LRRTM3: variants seen among roughly 807,000 people sequenced by gnomAD.
The protein encoded by LRRTM3 is leucine rich repeat transmembrane neuronal 3.
LRRTM3 carries 24 observed loss-of-function variants against 44.7 expected under a neutral mutation model. The ratio of observed to expected loss-of-function variants is 0.54; its 90% confidence interval spans 0.39 to 0.76. The LOEUF is 0.76. Ranked by LOEUF, LRRTM3 falls within the 30% of genes least tolerant of loss-of-function variation. The probability of loss-of-function intolerance (pLI) is 0.00; values close to 1 mark genes in which losing one functional copy is unlikely to be tolerated. For missense variants in LRRTM3, 587 were observed against 702.2 expected (o/e 0.84, Z 1.85); for synonymous variants, 277 against 278.7 (o/e 0.99, Z 0.06).
intron 2 of LRRTM3, among the ~76,000 whole-genome samples, chr10:67,003,066 A>G (rs868552577): frequency 6.6e-6 from 1 of 152,164 alleles, no homozygotes; most frequent in South Asian, 2.1e-4. Flanking sequence ...ACTAACAAAC[A>G]TATGCAGTCT....
chr10:66,941,436 A>T (rs1375762345), intron 2 of LRRTM3, among the ~76,000 whole-genome samples: 1 of 152,212 alleles, frequency 6.6e-6, no homozygotes, highest in Non-Finnish European at 1.5e-5. Flanking sequence ...TCTCAAGGTA[A>T]TTTTAAGTAA....
chr10:67,074,288 C>A (rs184347258), intron 2 of LRRTM3, among the ~76,000 whole-genome samples: 5 of 151,144 alleles, frequency 3.3e-5, no homozygotes, highest in East Asian at 1.9e-4. Flanking sequence ...CCTTGGCCCC[C>A]CAAAGTGCTG....
chr10:67,066,973 A>G (rs1190899209), intron 2 of LRRTM3, among the ~76,000 whole-genome samples: 1 of 152,170 alleles, frequency 6.6e-6, no homozygotes, highest in Non-Finnish European at 1.5e-5. Flanking sequence ...CTGTCTCTTA[A>G]TTTAACAGAG....
At position 67,069,696 on chromosome 10, in the gene LRRTM3, ATGT is replaced by A. The variant is rs1355146756; in HGVS notation, c.1537-27887_1537-27885del. The stretch of plus-strand genomic sequence containing the variant: ...TCAGTATATACTCTGTTGTGTCTGA[ATGT>A]TGTGTCTCACTCAACATTATGTTTA... On this transcript the variant is annotated intron_variant, in intron 2 of 2. Coordinates refer to ENST00000361320, the MANE Select transcript of LRRTM3 (RefSeq NM_178011.5). Among the ~76,000 whole-genome samples the A allele has an allele frequency of 5.3e-4, 81 of 151,968 alleles. 1 individual carries two copies. Among genetic ancestry groups the A allele is most frequent in the Non-Finnish European group, 1.8e-4 (12 of 67,974 alleles).
rs1025579801 is a variant in LRRTM3, at chr10:66,928,434, G to A, written c.1518G>A (p.Ser506=). ...NGTGPCTYNK[S]GSRECEIPLS... ...CGGGACCCTGCACCTATAACAAATC[G>A]GGCTCCAGGGAGTGTGAGGTATGAA... Residue 506 remains serine (S), a synonymous_variant, in exon 2 of 3, where the codon TCG becomes TCA. Coordinates refer to ENST00000361320, the MANE Select transcript of LRRTM3 (RefSeq NM_178011.5). 3.7e-6 allele frequency: 6 copies of A among 1,608,358 alleles called. No individual in the cohort carries two copies. The African/African-American group carries it at 4.0e-5, about 11-fold the overall frequency.
chr10:67,025,316 T>A (rs543119391), intron 2 of LRRTM3, among the ~76,000 whole-genome samples: 18 of 151,756 alleles, frequency 1.2e-4, no homozygotes, highest in African/African-American at 4.3e-4. Context: ...ATAAGCCTAT[T>A]TTGTAAGCCC....
chr10:66,951,064 G>T (rs2132720646), intron 2 of LRRTM3, among the ~76,000 whole-genome samples: 1 of 149,966 alleles, frequency 6.7e-6, no homozygotes, highest in Non-Finnish European at 1.5e-5. Flanking sequence ...CAAGGCTATT[G>T]CCAGCTTTTT....
intron 2 of LRRTM3, among the ~76,000 whole-genome samples, chr10:67,007,039 AC>A (rs1253797062): frequency 6.6e-6 from 1 of 151,944 alleles, no homozygotes; most frequent in Non-Finnish European, 1.5e-5. Flanking sequence ...CAAATGATCC[AC>A]CCTGCTCAGC....
chr10:67,005,581 T>C (rs1244329206), intron 2 of LRRTM3, among the ~76,000 whole-genome samples: 1 of 150,982 alleles, frequency 6.6e-6, no homozygotes, highest in Admixed American at 6.6e-5. Context: ...GGTGAATATA[T>C]CTGATGAATC....
At chr10:66,981,512 T>C (rs1850441896) in intron 2 of LRRTM3, among the ~76,000 whole-genome samples, 1 of 152,206 alleles carries the variant, frequency 6.6e-6, no homozygotes, top group African/African-American at 2.4e-5. Flanking sequence ...CTCCTCCTCC[T>C]CATTTACAGC....
intron 2 of LRRTM3, among the ~76,000 whole-genome samples, chr10:66,989,331 G>T (rs1398492055): frequency 6.6e-6 from 1 of 152,080 alleles, no homozygotes; most frequent in African/African-American, 2.4e-5. Flanking sequence ...TTCCCTAAAA[G>T]TCCACAGAAA....
intron 2 of LRRTM3, among the ~76,000 whole-genome samples, chr10:66,986,437 C>A (rs1037646057): frequency 6.6e-5 from 10 of 152,064 alleles, no homozygotes; most frequent in Non-Finnish European, 1.5e-5. Flanking sequence ...GCAGAGGTTG[C>A]AATAAGCCAA....
chr10:67,010,681 C>T (rs925894317), intron 2 of LRRTM3, among the ~76,000 whole-genome samples: 1 of 152,256 alleles, frequency 6.6e-6, no homozygotes, highest in Non-Finnish European at 1.5e-5. Context: ...TTTTCCAATG[C>T]TTTTGTATAG....
chr10:66,958,910 A>G (rs771333914), intron 2 of LRRTM3, among the ~76,000 whole-genome samples: 1 of 152,164 alleles, frequency 6.6e-6, no homozygotes, highest in Non-Finnish European at 1.5e-5. Flanking sequence ...AGTTCCCTTT[A>G]TAGGTCAGAT....
intron 2 of LRRTM3, among the ~76,000 whole-genome samples, chr10:67,054,415 T>G (rs937113487): frequency 6.6e-6 from 1 of 152,150 alleles, no homozygotes; most frequent in Non-Finnish European, 1.5e-5. Flanking sequence ...GATCACACCA[T>G]TGATCCACCA....
chr10:66,957,000 T>C (rs756050574), intron 2 of LRRTM3, among the ~76,000 whole-genome samples: 3 of 152,198 alleles, frequency 2.0e-5, no homozygotes, highest in Non-Finnish European at 4.4e-5. Flanking sequence ...CCATGGAATG[T>C]AGAAGATAAT....
intron 2 of LRRTM3, among the ~76,000 whole-genome samples, chr10:66,941,522 G>C (rs1847994713): frequency 6.6e-6 from 1 of 152,002 alleles, no homozygotes; most frequent in Non-Finnish European, 1.5e-5. Flanking sequence ...CAACTGTATG[G>C]AATTTGAATC....
intron 2 of LRRTM3, among the ~76,000 whole-genome samples, chr10:67,040,669 G>A (rs1160622686): frequency 1.3e-5 from 2 of 151,968 alleles, no homozygotes; most frequent in African/African-American, 4.8e-5. Flanking sequence ...GACACTGATG[G>A]TGATGCAAAT....
intron 2 of LRRTM3, among the ~76,000 whole-genome samples, chr10:66,958,814 G>T (rs1373282507): frequency 6.6e-6 from 1 of 152,106 alleles, no homozygotes; most frequent in Non-Finnish European, 1.5e-5. Context: ...GCTCAAAGAA[G>T]AAGGAAAGGA....
Sources: gnomAD v4.1 joint callset for allele counts (sites outside exome capture counted in the v4.1 genomes callset) on GRCh38, gnomAD v4.1.1 for gene constraint, MANE v1.5 for transcripts, NCBI Gene and HGNC (gene_info 2026-07-23, HGNC 2026-07-21) for gene names.